THRA: variants seen among roughly 807,000 people sequenced by gnomAD.
THRA encodes EAR-7.
THRA carries 13 observed loss-of-function variants against 45.0 expected under a neutral mutation model. The observed-to-expected ratio is 0.29, with a 90% CI of 0.19 to 0.46. The LOEUF (loss-of-function observed/expected upper bound fraction) is 0.46, where lower values mean the gene tolerates loss of function less well. Ranked by LOEUF, THRA falls within the 20% of genes least tolerant of loss-of-function variation. The pLI is 1.00. For missense variants in THRA, 278 were observed against 556.1 expected (o/e 0.50, Z 5.03); for synonymous variants, 195 against 214.0 (o/e 0.91, Z 0.78).
Position 40,088,250 on chromosome 17 carries a change from C to A in THRA, c.732C>A (p.Cys244Ter). ...KKLPMFSELP[C>*]EDQIILLKGC... Reference sequence around the variant, plus strand: ...GCCCTGCCGCTCCACAGCTGCCTTGCGAAGACCAGATCATCCTCCTGAAGG... The same window carrying A: ...GCCCTGCCGCTCCACAGCTGCCTTGAGAAGACCAGATCATCCTCCTGAAGG... Residue 244 changes from cysteine (C) to a stop codon, truncating the protein, a stop_gained, in exon 8 of 9, where the codon TGC (cysteine) becomes TGA (stop). Coordinates refer to ENST00000450525, the MANE Select transcript of THRA (RefSeq NM_199334.5). LOFTEE classifies it high-confidence loss of function. The A allele has an allele frequency of 1.9e-6, 3 of 1,587,108 alleles. No individual in the cohort carries two copies. The highest frequency in any genetic ancestry group is 2.6e-6 in the Non-Finnish European group (3 of 1,164,378).
intron 1 of THRA, among the ~76,000 whole-genome samples, chr17:40,070,458 C>A (rs78585944): frequency 1.3e-5 from 2 of 152,204 alleles, no homozygotes; most frequent in Admixed American, 1.3e-4. Flanking sequence ...GGGCACATGT[C>A]GCTGCTGCAG....
At chr17:40,068,977 AC>A (rs1986670711) in intron 1 of THRA, 1 of 152,354 alleles carries the variant, frequency 6.6e-6, no homozygotes, top group African/African-American at 2.4e-5. Context: ...CTGGAACGGT[AC>A]CCAGAGCCCT....
chr17:40,065,635 G>GC (rs1027161350), intron 1 of THRA, among the ~76,000 whole-genome samples: 1 of 152,172 alleles, frequency 6.6e-6, no homozygotes, highest in African/African-American at 2.4e-5. Flanking sequence ...CCGCCCCTCT[G>GC]CCCCCCCTGC....
At chr17:40,064,310 TAAA>T (rs1479716455) in intron 1 of THRA, among the ~76,000 whole-genome samples, 1 of 152,056 alleles carries the variant, frequency 6.6e-6, no homozygotes, top group Non-Finnish European at 1.5e-5. Context: ...CACCCACACA[TAAA>T]AAGTCACTGT....
chr17:40,080,008 A>C (rs1299675910), intron 4 of THRA, among the ~76,000 whole-genome samples: 1 of 152,038 alleles, frequency 6.6e-6, no homozygotes, highest in African/African-American at 2.4e-5. Context: ...TGGAGGTTAC[A>C]GTGAGAGTGG....
chr17:40,063,746 C>G (rs1389225929), intron 1 of THRA, among the ~76,000 whole-genome samples: 1 of 152,060 alleles, frequency 6.6e-6, no homozygotes, highest in Non-Finnish European at 1.5e-5. Context: ...GAGTTGCTGG[C>G]TGGGGAGGAG....
intron 1 of THRA, among the ~76,000 whole-genome samples, chr17:40,066,663 CAAA>C (rs553082902): frequency 1.2e-4 from 6 of 49,554 alleles, no homozygotes; most frequent in African/African-American, 3.0e-4. Flanking sequence ...GACTCCGTCT[CAAA>C]AAAAAAAAAA....
intron 5 of THRA, 136 bp downstream of exon 5, chr17:40,084,118 T>A: frequency 4.5e-6 from 5 of 1,099,776 alleles, no homozygotes; most frequent in Non-Finnish European, 6.3e-6. Context: ...GAATGTTCAG[T>A]GTCTTGGTCC....
intron 1 of THRA, among the ~76,000 whole-genome samples, chr17:40,069,297 G>GTC (rs1277624694): frequency 1.1e-4 from 16 of 145,680 alleles, no homozygotes; most frequent in African/African-American, 3.8e-4. Flanking sequence ...CTCTGTCTCT[G>GTC]TCTCTCTCTC....
intron 1 of THRA, among the ~76,000 whole-genome samples, chr17:40,063,604 T>C (rs1029798328): frequency 2.6e-5 from 4 of 151,730 alleles, no homozygotes; most frequent in Non-Finnish European, 5.9e-5. Context: ...GAGAGGGAAG[T>C]TCCCCCGCCT....
At chr17:40,079,243 ATTGTT>A (rs1344042434) in intron 4 of THRA, among the ~76,000 whole-genome samples, 2 of 150,998 alleles carry the variant, frequency 1.3e-5, no homozygotes, top group Non-Finnish European at 3.0e-5. Flanking sequence ...GGGAGGCCTA[ATTGTT>A]TTGTTTTGTT....
chr17:40,091,271 CGGACAT>C lies in THRA; in HGVS notation c.*1817_*1822del, dbSNP rs1987533968. 6.6e-6 allele frequency: 1 copy of C among 152,244 alleles called. No individual in the cohort carries two copies. The highest frequency in any genetic ancestry group is 2.5e-5 in the African/African-American group (1 of 39,790). 9.4% of individuals were successfully genotyped at this position (152,244 alleles called of 1,614,324 possible). ...ACACACACACACACACACACACACA[CGGACAT>C]GCACACACGGACATGGGAAGGCAAT... On this transcript the variant is annotated 3_prime_UTR_variant, in exon 9 of 9. Transcript: ENST00000450525.
At chr17:40,063,770 C>T (rs1249287404) in intron 1 of THRA, among the ~76,000 whole-genome samples, 1 of 151,984 alleles carries the variant, frequency 6.6e-6, no homozygotes, top group Non-Finnish European at 1.5e-5. Context: ...GAGAAATGGA[C>T]CTGTGTGTGT....
At chr17:40,088,554 G>T (rs566990173) in intron 8 of THRA, 54 bp downstream of exon 8, 2 of 1,562,900 alleles carry the variant, frequency 1.3e-6, no homozygotes, top group Non-Finnish European at 1.7e-6. Flanking sequence ...CCCAGAGATT[G>T]GCTGGACCCT....
chr17:40,078,251 G>A (rs1987019223), intron 4 of THRA, among the ~76,000 whole-genome samples: 1 of 152,234 alleles, frequency 6.6e-6, no homozygotes, highest in South Asian at 2.1e-4. Flanking sequence ...GGGAGGCCAA[G>A]GCGGGAGCAT....
rs1371036262 is a variant in THRA, at chr17:40,090,563, CG to C, written c.*1112del. 6.6e-6 allele frequency: 1 copy of C among 152,262 alleles called. No homozygotes were observed. Among genetic ancestry groups the C allele is most frequent in the African/African-American group, 2.4e-5 (1 of 41,406 alleles). 9.4% of individuals were successfully genotyped at this position (152,262 alleles called of 1,614,324 possible). A position where few individuals can be genotyped will look rare whatever the true frequency, so the allele number is the denominator to read the frequency against. ...CCGGATGCTGCTGCATTGGTTGGGT[CG>C]GGGGTAGGAGGGCTGTGCGTGAGCG... On this transcript the variant is annotated 3_prime_UTR_variant, in exon 9 of 9. Coordinates refer to ENST00000450525, the MANE Select transcript of THRA (RefSeq NM_199334.5).
chr17:40,076,317 G>A lies in THRA; in HGVS notation c.54-554G>A, dbSNP rs531129892. Among the ~76,000 whole-genome samples the A allele has an allele frequency of 2.6e-5, 4 of 152,278 alleles. No homozygotes were observed. The South Asian group carries it at 8.3e-4, about 32-fold the overall frequency. ...CGTGCACACTGGAGGGATGAGGGTG[G>A]TTTTATGAGGTGCCTGTGCAGAGTG... On this transcript the variant is annotated intron_variant, in intron 2 of 8. Coordinates refer to ENST00000450525, the MANE Select transcript of THRA (RefSeq NM_199334.5).
chr17:40,074,656 A>G, intron 2 of THRA, 115 bp downstream of exon 2: 1 of 1,126,384 alleles, frequency 8.9e-7, no homozygotes, highest in Non-Finnish European at 1.3e-6. Context: ...ACGTGAGGCC[A>G]GCAAGCCTTC....
At chr17:40,077,979 A>T (rs558415617) in intron 4 of THRA, among the ~76,000 whole-genome samples, 19 of 151,968 alleles carry the variant, frequency 1.3e-4, no homozygotes, top group Non-Finnish European at 2.2e-4. Flanking sequence ...TTACAGGCAT[A>T]CCTGCCTGGT....
Sources: gnomAD v4.1 joint callset for allele counts (sites outside exome capture counted in the v4.1 genomes callset) on GRCh38, gnomAD v4.1.1 for gene constraint, MANE v1.5 for transcripts, NCBI Gene and HGNC (gene_info 2026-07-23, HGNC 2026-07-21) for gene names.